Variants in SCN11A observed in about 807,000 individuals in gnomAD.
SCN11A encodes the protein sodium channel protein type 11 subunit alpha.
A neutral mutation model predicts 162.2 loss-of-function variants in SCN11A; 122 were observed. The ratio of observed to expected loss-of-function variants is 0.75; its 90% CI spans 0.65 to 0.87. The LOEUF is 0.87. Among genes scored for constraint, SCN11A ranks in the 40% least tolerant of loss-of-function variants. The pLI, the probability that SCN11A is intolerant of heterozygous loss-of-function variation, is 0.00. For missense variants in SCN11A, 2,015 were observed against 2,181.6 expected, an observed-to-expected ratio of 0.92 and a Z score of 1.52; for synonymous variants, 758 against 751.5, an observed-to-expected ratio of 1.01 and a Z score of -0.14.
At chr3:38,876,696 A>C (rs2065212409) in intron 23 of SCN11A, among the ~76,000 whole-genome samples, 1 of 152,124 alleles carries the variant, frequency 6.6e-6, no homozygotes, top group African/African-American at 2.4e-5. Context: ...ACTAATCAAA[A>C]AATGATAGAT....
intron 23 of SCN11A, among the ~76,000 whole-genome samples, chr3:38,878,400 A>T (rs1273621194): frequency 6.6e-6 from 1 of 151,998 alleles, no homozygotes; most frequent in Non-Finnish European, 1.5e-5. Flanking sequence ...GTTTTGCTTA[A>T]GGTTACACAA....
At chr3:39,013,608 T>A (rs943843733) in intron 2 of SCN11A, among the ~76,000 whole-genome samples, 6 of 152,224 alleles carry the variant, frequency 3.9e-5, no homozygotes, top group Admixed American at 3.9e-4. Context: ...CCACCCTTTT[T>A]GCTATTCAGC....
chr3:38,955,937 G>A (rs949719329), intron 3 of SCN11A, among the ~76,000 whole-genome samples: 2 of 152,172 alleles, frequency 1.3e-5, no homozygotes, highest in African/African-American at 4.8e-5. Flanking sequence ...GTATACCTAT[G>A]TAACAAACCT....
At chr3:38,984,802 T>G (rs547160288) in intron 2 of SCN11A, among the ~76,000 whole-genome samples, 43 of 152,148 alleles carry the variant, frequency 2.8e-4, no homozygotes, top group African/African-American at 1.0e-3. Flanking sequence ...TGAGCCACTG[T>G]GCCTGGCTGA....
At chr3:38,882,114 C>T (rs1476175154) in intron 22 of SCN11A, among the ~76,000 whole-genome samples, 2 of 152,152 alleles carry the variant, frequency 1.3e-5, no homozygotes, top group Non-Finnish European at 2.9e-5. Context: ...AGGGAATTCT[C>T]TGGGATGGTT....
intron 3 of SCN11A, among the ~76,000 whole-genome samples, chr3:38,958,963 T>C (rs1445043145): frequency 6.6e-6 from 1 of 152,218 alleles, no homozygotes; most frequent in Non-Finnish European, 1.5e-5. Flanking sequence ...ACCTTATACC[T>C]TCCTTGCCTG....
At chr3:39,046,922 C>T (rs6771204) in intron 1 of SCN11A, among the ~76,000 whole-genome samples, 151,243 of 151,244 alleles carry the variant, frequency 1, 75,621 homozygotes, top group Middle Eastern at 1. Flanking sequence ...GGTTTTGCCA[C>T]GTTGCCCTGT....
At chr3:38,953,145 A>G (rs960601310) in intron 4 of SCN11A, among the ~76,000 whole-genome samples, 1 of 152,136 alleles carries the variant, frequency 6.6e-6, no homozygotes, top group Admixed American at 6.5e-5. Flanking sequence ...CCCTTAGCAA[A>G]CTAACTCAGG....
At chr3:38,993,460 A>C (rs1301345587) in intron 2 of SCN11A, among the ~76,000 whole-genome samples, 2 of 152,156 alleles carry the variant, frequency 1.3e-5, no homozygotes, top group Non-Finnish European at 2.9e-5. Context: ...CCTCCTCTAA[A>C]ACTTCTAGTT....
At chr3:38,964,162 C>G (rs924056395) in intron 2 of SCN11A, among the ~76,000 whole-genome samples, 5 of 152,192 alleles carry the variant, frequency 3.3e-5, no homozygotes, top group Admixed American at 1.3e-4. Context: ...ACAACAGACA[C>G]GTTCAGAGGC....
intron 7 of SCN11A, among the ~76,000 whole-genome samples, chr3:38,936,301 A>C (rs1463979382): frequency 6.6e-6 from 1 of 151,350 alleles, no homozygotes; most frequent in Non-Finnish European, 1.5e-5. Flanking sequence ...TCCCTTTGAA[A>C]ACTGGCACAA....
At position 38,888,772 on chromosome 3, in the gene SCN11A, C is replaced by T. The variant is rs148489125; in HGVS notation, c.2836-2534G>A. ...ATCTACTAAAATTCAGTAAGAACAG[C>T]AGAAATTGATGACACTTAAGCCATG... On this transcript the variant is annotated intron_variant, in intron 19 of 29. Transcript: ENST00000302328. 5.7e-3 allele frequency among the ~76,000 whole-genome samples: 863 copies of T among 152,192 alleles called. 33 individuals are homozygous for T. Among genetic ancestry groups the T allele is most frequent in the Admixed American group, 0.046 (710 of 15,288 alleles).
intron 14 of SCN11A, 138 bp from the exon 15 acceptor site, chr3:38,905,459 G>C (rs2065778642): frequency 1.1e-6 from 1 of 875,738 alleles, no homozygotes; most frequent in Non-Finnish European, 1.7e-6. Context: ...CGTCTTTACA[G>C]CATGCCAAAT....
At position 38,933,832 on chromosome 3, in the gene SCN11A, T is replaced by C. The variant is rs552033041; in HGVS notation, c.489-6901A>G. Among the ~76,000 whole-genome samples, 63 of 152,260 alleles carry C rather than the reference T, an allele frequency of 4.1e-4. 2 individuals are homozygous for C. The East Asian group carries it at 7.1e-3, about 17-fold the overall frequency. On this transcript the variant is annotated intron_variant, in intron 7 of 29. Coordinates refer to ENST00000302328, the MANE Select transcript of SCN11A (RefSeq NM_001349253.2). The stretch of plus-strand genomic sequence containing the variant: ...ATTATCCAGGAGAACTTCCCCAATC[T>C]AGAAAGGCAGGCCAACATTCAGATT...
chr3:39,024,557 A>T (rs1178372686), intron 2 of SCN11A, among the ~76,000 whole-genome samples: 1 of 152,230 alleles, frequency 6.6e-6, no homozygotes, highest in East Asian at 1.9e-4. Flanking sequence ...TCCCCAAGGC[A>T]GGTCACAGAA....
intron 2 of SCN11A, among the ~76,000 whole-genome samples, chr3:38,994,667 G>C (rs1238968691): frequency 1.3e-5 from 2 of 152,190 alleles, no homozygotes; most frequent in Admixed American, 6.5e-5. Flanking sequence ...GGAGTCTGCA[G>C]TGTCTGTGGA....
At chr3:39,020,491 T>C (rs1414656400) in intron 2 of SCN11A, among the ~76,000 whole-genome samples, 1 of 152,144 alleles carries the variant, frequency 6.6e-6, no homozygotes, top group African/African-American at 2.4e-5. Flanking sequence ...GTGTTTGAGA[T>C]TTGAAACTCT....
At chr3:38,861,970 A>G (rs978322793) in intron 28 of SCN11A, among the ~76,000 whole-genome samples, 2 of 152,188 alleles carry the variant, frequency 1.3e-5, no homozygotes, top group Non-Finnish European at 2.9e-5. Context: ...AGGTGGGAGA[A>G]AATATTCACA....
At chr3:38,882,819 C>T (rs561365204) in intron 22 of SCN11A, among the ~76,000 whole-genome samples, 1 of 152,164 alleles carries the variant, frequency 6.6e-6, no homozygotes, top group African/African-American at 2.4e-5. Context: ...AATCTGGTCC[C>T]TGTAACTCCC....
Sources: gnomAD v4.1 joint callset for allele counts (sites outside exome capture counted in the v4.1 genomes callset) on GRCh38, gnomAD v4.1.1 for gene constraint, MANE v1.5 for transcripts, NCBI Gene and HGNC (gene_info 2026-07-23, HGNC 2026-07-21) for gene names.